Variants in ACOT1 observed in about 807,000 individuals in gnomAD.
The protein encoded by ACOT1 is acyl-coenzyme A thioesterase 1.
Under a neutral mutation model 15.7 loss-of-function variants are expected in ACOT1, and 8 were observed. The observed-to-expected ratio is 0.51, with a 90% confidence interval of 0.30 to 0.92. The LOEUF is 0.92. ACOT1 is among the 40% of genes least tolerant of loss of function. The pLI, the probability that ACOT1 is intolerant of heterozygous loss-of-function variation, is 0.06. For missense variants in ACOT1, 151 were observed against 539.4 expected (o/e 0.28, Z 7.13); for synonymous variants, 67 against 241.2 (o/e 0.28, Z 6.69).
At chr14:73,527,537 GC>G in the ACOT1 span, 1 of 116,014 alleles carries the variant, frequency 8.6e-6, no homozygotes, top group Non-Finnish European at 1.9e-5. Flanking sequence ...TAATAAACTT[GC>G]TTTCACTTCG....
chr14:73,500,748 CT>C, the ACOT1 span: 2 of 1,608,416 alleles, frequency 1.2e-6, no homozygotes, highest in Non-Finnish European at 1.7e-6. Context: ...GCACAAGTTG[CT>C]TTCCTTTCAC....
chr14:73,501,951 TAGTC>T, the ACOT1 span, among the ~76,000 whole-genome samples: 4 of 151,918 alleles, frequency 2.6e-5, no homozygotes, highest in African/African-American at 7.3e-5. Context: ...TTCACCATGT[TAGTC>T]AGGATGGTCT....
the ACOT1 span, among the ~76,000 whole-genome samples, chr14:73,496,154 T>C: frequency 6.6e-6 from 1 of 151,832 alleles, no homozygotes; most frequent in Non-Finnish European, 1.5e-5. Flanking sequence ...GCAAAAATTA[T>C]GTTAATCCTT....
the ACOT1 span, chr14:73,491,847 C>A: frequency 6.2e-7 from 1 of 1,609,552 alleles, no homozygotes; most frequent in East Asian, 2.2e-5. Context: ...ACCCTGAACC[C>A]ACCCGGCCGC....
intron 2 of ACOT1, 58 bp downstream of exon 2, chr14:73,541,753 C>G (rs1238210380): frequency 8.7e-7 from 1 of 1,149,726 alleles, no homozygotes; most frequent in African/African-American, 1.6e-5. Flanking sequence ...CTTAAATGGT[C>G]TGGGTTTTCA....
At chr14:73,492,933 C>T in the ACOT1 span, 2 of 1,612,708 alleles carry the variant, frequency 1.2e-6, no homozygotes, top group Non-Finnish European at 1.7e-6. The surrounding 1 kb of genome is among the most constrained non-coding windows in gnomAD (Gnocchi z 4.9). Context: ...ATGCCTCTAG[C>T]CCTAAATTAG....
At chr14:73,526,591 A>G in the ACOT1 span, among the ~76,000 whole-genome samples, 1 of 152,130 alleles carries the variant, frequency 6.6e-6, no homozygotes, top group Non-Finnish European at 1.5e-5. Context: ...GACTTTGAGT[A>G]GCAGCTCAGC....
chr14:73,519,766 C>T, the ACOT1 span, among the ~76,000 whole-genome samples: 1 of 151,854 alleles, frequency 6.6e-6, no homozygotes, highest in Non-Finnish European at 1.5e-5. Context: ...GCCTGTAATC[C>T]CAGCACTTTG....
At chr14:73,527,799 G>A in the ACOT1 span, among the ~76,000 whole-genome samples, 3 of 151,824 alleles carry the variant, frequency 2.0e-5, no homozygotes, top group South Asian at 2.1e-4. Context: ...CCAACATGGC[G>A]AAACCCCATC....
chr14:73,522,804 C>A, the ACOT1 span: 1 of 1,614,208 alleles, frequency 6.2e-7, no homozygotes, highest in South Asian at 1.1e-5. Context: ...TTGAAGCTAA[C>A]AGGTTTCTGA....
the ACOT1 span, among the ~76,000 whole-genome samples, chr14:73,524,758 C>A: frequency 6.6e-6 from 1 of 151,456 alleles, no homozygotes; most frequent in Non-Finnish European, 1.5e-5. Context: ...GTTGGCCTTG[C>A]CTCTCCAAGG....
the ACOT1 span, chr14:73,491,110 C>T: frequency 6.2e-7 from 1 of 1,606,810 alleles, no homozygotes; most frequent in Non-Finnish European, 8.5e-7. Flanking sequence ...CGGTCCTGGC[C>T]CTGCCCTTGA....
At chr14:73,497,710 T>G in the ACOT1 span, among the ~76,000 whole-genome samples, 1 of 152,058 alleles carries the variant, frequency 6.6e-6, no homozygotes, top group Non-Finnish European at 1.5e-5. Context: ...CACCGCAACC[T>G]CCACTTCCCA....
chr14:73,524,616 T>C, the ACOT1 span, among the ~76,000 whole-genome samples: 3,529 of 149,924 alleles, frequency 0.024, 143 homozygotes, highest in African/African-American at 0.083. Flanking sequence ...GTAGGTAAAT[T>C]GCTTCAGATC....
the ACOT1 span, among the ~76,000 whole-genome samples, chr14:73,500,902 C>T: frequency 6.6e-6 from 1 of 152,182 alleles, no homozygotes; most frequent in African/African-American, 2.4e-5. Context: ...GTCTTCTTTA[C>T]TTGAATCCCT....
At chr14:73,511,864 A>G in the ACOT1 span, 2 of 854,026 alleles carry the variant, frequency 2.3e-6, no homozygotes. Flanking sequence ...GCTGATAAGC[A>G]TGTATATATA....
chr14:73,491,416 G>A, the ACOT1 span: 11 of 1,348,712 alleles, frequency 8.2e-6, no homozygotes, highest in Non-Finnish European at 9.4e-6. Context: ...CGCGCCTGGT[G>A]GAGGTGCCCG....
At chr14:73,492,675 A>G in the ACOT1 span, 3 of 1,613,984 alleles carry the variant, frequency 1.9e-6, no homozygotes, top group Non-Finnish European at 2.5e-6. This position sits in a 1 kb window ranked among gnomAD's most constrained non-coding sequence, Gnocchi z 4.9. Context: ...ATGCTTCAGG[A>G]TGGGATAGCT....
At chr14:73,514,554 T>C in the ACOT1 span, among the ~76,000 whole-genome samples, 1 of 152,240 alleles carries the variant, frequency 6.6e-6, no homozygotes, top group Non-Finnish European at 1.5e-5. Context: ...TAAATATGTT[T>C]ATATGTAACG....
Sources: gnomAD v4.1 joint callset for allele counts (sites outside exome capture counted in the v4.1 genomes callset) on GRCh38, gnomAD v4.1.1 for gene constraint, Gnocchi (gnomAD v3.1) non-coding constraint, MANE v1.5 for transcripts, NCBI Gene and HGNC (gene_info 2026-07-23, HGNC 2026-07-21) for gene names.